Variants in CA1 observed in about 807,000 individuals in gnomAD.
The protein encoded by CA1 is carbonate dehydratase I.
A neutral mutation model predicts 28.8 loss-of-function variants in CA1; 27 were observed. That is an observed-to-expected ratio of 0.94 (90% confidence interval 0.69 to 1.29). CA1 has a LOEUF of 1.29. Among genes scored for constraint, CA1 ranks in the 50% most tolerant of loss-of-function variants. The pLI is 0.00. For missense variants in CA1, 335 were observed against 310.5 expected, an observed-to-expected ratio of 1.08 and a Z score of -0.59; for synonymous variants, 121 against 108.8, an observed-to-expected ratio of 1.11 and a Z score of -0.70.
intron 1 of CA1, among the ~76,000 whole-genome samples, chr8:85,344,871 A>T (rs1226587829): frequency 6.6e-6 from 1 of 152,198 alleles, no homozygotes; most frequent in Admixed American, 6.6e-5. Flanking sequence ...TATTTTCCCT[A>T]AAATGAGGAA....
intron 1 of CA1, among the ~76,000 whole-genome samples, chr8:85,368,044 C>T (rs1439479156): frequency 1.3e-5 from 2 of 151,492 alleles, no homozygotes; most frequent in Non-Finnish European, 2.9e-5. Context: ...TACAATTTTC[C>T]AGCTACTTAT....
intron 1 of CA1, among the ~76,000 whole-genome samples, chr8:85,375,407 A>G (rs1435936650): frequency 6.6e-6 from 1 of 152,194 alleles, no homozygotes; most frequent in Non-Finnish European, 1.5e-5. Context: ...CCACTTTCAG[A>G]AAATTAACAG....
intron 1 of CA1, among the ~76,000 whole-genome samples, chr8:85,350,120 C>A (rs1189173909): frequency 2.6e-5 from 4 of 152,044 alleles, no homozygotes; most frequent in Non-Finnish European, 5.9e-5. Flanking sequence ...TTTCAAGTTG[C>A]TCCAGGCAAA....
At chr8:85,366,778 A>T (rs1169034705) in intron 1 of CA1, among the ~76,000 whole-genome samples, 1 of 152,240 alleles carries the variant, frequency 6.6e-6, no homozygotes, top group African/African-American at 2.4e-5. Flanking sequence ...AAGTGTAAAA[A>T]GTGAATTGAA....
At chr8:85,337,547 G>C (rs1388868157) in intron 3 of CA1, among the ~76,000 whole-genome samples, 3 of 152,138 alleles carry the variant, frequency 2.0e-5, no homozygotes, top group Non-Finnish European at 4.4e-5. Flanking sequence ...TCCCTGGCCA[G>C]GGACCAAGAG....
chr8:85,365,536 C>T (rs1809972313), intron 1 of CA1, among the ~76,000 whole-genome samples: 2 of 152,286 alleles, frequency 1.3e-5, no homozygotes, highest in African/African-American at 4.8e-5. Flanking sequence ...TGCACCCGTT[C>T]GTCACAGAGC....
intron 1 of CA1, among the ~76,000 whole-genome samples, chr8:85,358,365 C>T (rs1809677544): frequency 6.6e-6 from 1 of 152,154 alleles, no homozygotes; most frequent in Admixed American, 6.5e-5. Flanking sequence ...CCCATTATCC[C>T]AGTTTATTTT....
At chr8:85,351,979 C>G (rs532136721) in intron 1 of CA1, among the ~76,000 whole-genome samples, 7 of 152,152 alleles carry the variant, frequency 4.6e-5, no homozygotes, top group Admixed American at 4.6e-4. Context: ...CAACTTAATC[C>G]CTTCATCATA....
At chr8:85,334,398 A>G (rs1808550760) in intron 4 of CA1, among the ~76,000 whole-genome samples, 2 of 152,118 alleles carry the variant, frequency 1.3e-5, no homozygotes, top group African/African-American at 2.4e-5. Context: ...ATTAGCTTCT[A>G]ATTTTCTCTG....
intron 4 of CA1, 46 bp downstream of exon 4, chr8:85,336,899 G>T: frequency 8.9e-7 from 1 of 1,119,366 alleles, no homozygotes; most frequent in Non-Finnish European, 1.4e-6. Flanking sequence ...GCTGCTTCTG[G>T]GAGTACTCTC....
At chr8:85,366,249 G>A (rs144001442) in intron 1 of CA1, among the ~76,000 whole-genome samples, 2 of 147,494 alleles carry the variant, frequency 1.4e-5, no homozygotes, top group African/African-American at 5.1e-5. Context: ...CTGAGCTCAA[G>A]TGATCCTCCC....
In CA1 at chr8:85,327,969, A is replaced by G. The variant is rs1026493397; in HGVS notation, c.*591T>C. The G allele has an allele frequency of 2.6e-5, 4 of 152,408 alleles. No individual in the cohort carries two copies. The highest frequency in any genetic ancestry group is 4.8e-5 in the African/African-American group (2 of 41,466). 9.4% of individuals were successfully genotyped at this position (152,408 alleles called of 1,614,324 possible). A position where few individuals can be genotyped will look rare whatever the true frequency, so the allele number is the denominator to read the frequency against. On this transcript the variant is annotated 3_prime_UTR_variant, in exon 8 of 8. Transcript: ENST00000523022. ...ATATCCAGAAGCGTCATCTTCCTATATAAAAGATAATCATTTTGATCACAG... is the reference window on the plus strand; with the variant it reads ...ATATCCAGAAGCGTCATCTTCCTATGTAAAAGATAATCATTTTGATCACAG...
chr8:85,331,831 AT>A (rs1035039453), intron 6 of CA1, among the ~76,000 whole-genome samples: 6 of 151,732 alleles, frequency 4.0e-5, no homozygotes, highest in East Asian at 1.9e-4. Flanking sequence ...TTCTTTTCAT[AT>A]TTTTTTGATA....
chr8:85,363,460 T>C (rs1251648635), intron 1 of CA1, among the ~76,000 whole-genome samples: 1 of 152,242 alleles, frequency 6.6e-6, no homozygotes, highest in Non-Finnish European at 1.5e-5. Flanking sequence ...TTGCCCACAC[T>C]CTGAGCTCTT....
At chr8:85,350,770 T>C (rs751801053) in intron 1 of CA1, among the ~76,000 whole-genome samples, 1 of 152,154 alleles carries the variant, frequency 6.6e-6, no homozygotes, top group Non-Finnish European at 1.5e-5. Flanking sequence ...ATGGGCCTTA[T>C]AGGCTAAGAA....
intron 1 of CA1, among the ~76,000 whole-genome samples, chr8:85,349,286 A>C (rs1809318042): frequency 6.6e-6 from 1 of 152,148 alleles, no homozygotes; most frequent in Non-Finnish European, 1.5e-5. Flanking sequence ...CAGTATTTCC[A>C]TTTCAAAAGG....
At chr8:85,338,470 A>G in intron 2 of CA1, 21 bp from the exon 3 acceptor site, 2 of 1,598,012 alleles carry the variant, frequency 1.3e-6, no homozygotes, top group South Asian at 2.2e-5. Flanking sequence ...AAACACGTGT[A>G]AAATCAATGT....
At chr8:85,337,463 A>G (rs574568959) in intron 3 of CA1, among the ~76,000 whole-genome samples, 1 of 152,296 alleles carries the variant, frequency 6.6e-6, no homozygotes, top group East Asian at 1.9e-4. Flanking sequence ...GTTTATTTTG[A>G]GTAATGAACC....
chr8:85,368,967 G>A (rs1389034331), intron 1 of CA1, among the ~76,000 whole-genome samples: 1 of 151,974 alleles, frequency 6.6e-6, no homozygotes, highest in Non-Finnish European at 1.5e-5. Flanking sequence ...TTTTTCCAGG[G>A]AGGCTCGAAA....
Sources: allele counts gnomAD v4.1 joint callset (sites outside exome capture counted in the v4.1 genomes callset), GRCh38; gene constraint gnomAD v4.1.1; transcripts MANE v1.5; gene names NCBI Gene and HGNC (gene_info 2026-07-23, HGNC 2026-07-21).